The following MGAT4C variants were observed in gnomAD, a reference collection of about 807,000 sequenced individuals.
MGAT4C encodes alpha-1,3-mannosyl-glycoprotein 4-beta-N-acetylglucosaminyltransferase C.
A neutral mutation model predicts 40.1 loss-of-function variants in MGAT4C; 19 were observed. The ratio of observed to expected loss-of-function variants is 0.47; its 90% CI spans 0.33 to 0.70. The LOEUF is 0.70. MGAT4C is among the 30% of genes least tolerant of loss of function. The pLI is 0.02. For missense variants in MGAT4C, 491 were observed against 563.2 expected, an observed-to-expected ratio of 0.87 and a Z score of 1.30; for synonymous variants, 181 against 187.1, an observed-to-expected ratio of 0.97 and a Z score of 0.27.
chr12:86,747,236 T>G (rs1456697972), intron 1 of MGAT4C, among the ~76,000 whole-genome samples: 3 of 151,658 alleles, frequency 2.0e-5, no homozygotes, highest in Non-Finnish European at 4.4e-5. Context: ...CATTTTCAAT[T>G]CAAACTATAA....
chr12:86,335,541 G>C (rs937196562), intron 3 of MGAT4C, among the ~76,000 whole-genome samples: 1 of 151,998 alleles, frequency 6.6e-6, no homozygotes, highest in African/African-American at 2.4e-5. Flanking sequence ...GTTGGTTCCA[G>C]GAACCTCACA....
intron 2 of MGAT4C, among the ~76,000 whole-genome samples, chr12:86,009,323 A>G (rs1352415652): frequency 6.6e-6 from 1 of 152,178 alleles, no homozygotes; most frequent in Non-Finnish European, 1.5e-5. Context: ...GTAGCCTTGA[A>G]TAGTTTCTTC....
At chr12:86,748,399 C>T (rs1951184927) in intron 1 of MGAT4C, among the ~76,000 whole-genome samples, 3 of 151,758 alleles carry the variant, frequency 2.0e-5, no homozygotes, top group Middle Eastern at 6.8e-3. Flanking sequence ...ATTTTATTTC[C>T]AAGTCTACTC....
intron 2 of MGAT4C, among the ~76,000 whole-genome samples, chr12:86,575,080 A>G (rs1331656459): frequency 6.6e-6 from 1 of 151,672 alleles, no homozygotes; most frequent in Non-Finnish European, 1.5e-5. Context: ...CACACTATAA[A>G]CATAAACACA....
intron 1 of MGAT4C, 137 bp downstream of exon 1, chr12:86,256,102 A>C (rs2136087735): frequency 6.6e-6 from 1 of 152,182 alleles, no homozygotes; most frequent in African/African-American, 2.4e-5. Flanking sequence ...CTAACTCCAT[A>C]GTCCTTTAAA....
At chr12:86,073,666 A>G (rs1592855936) in intron 1 of MGAT4C, among the ~76,000 whole-genome samples, 1 of 151,994 alleles carries the variant, frequency 6.6e-6, no homozygotes, top group Non-Finnish European at 1.5e-5. Context: ...TTGGACTTGC[A>G]TGGGCCCTGT....
intron 3 of MGAT4C, among the ~76,000 whole-genome samples, chr12:86,339,196 C>G (rs76813239): frequency 0.081 from 12,239 of 152,010 alleles, 1,209 homozygotes; most frequent in East Asian, 0.24. Context: ...CAAATGAAGG[C>G]ACATGAATCC....
At chr12:86,337,886 T>A (rs1954823619) in intron 3 of MGAT4C, among the ~76,000 whole-genome samples, 1 of 152,160 alleles carries the variant, frequency 6.6e-6, no homozygotes, top group Non-Finnish European at 1.5e-5. Context: ...TTTGTAGGAA[T>A]CACTTCATAT....
intron 4 of MGAT4C, among the ~76,000 whole-genome samples, chr12:86,297,616 T>C (rs1953712708): frequency 6.6e-6 from 1 of 152,078 alleles, no homozygotes; most frequent in Non-Finnish European, 1.5e-5. Context: ...GAGATTTCCA[T>C]TGAAAAACTC....
At chr12:86,055,856 G>T (rs1893336556) in intron 1 of MGAT4C, among the ~76,000 whole-genome samples, 2 of 151,966 alleles carry the variant, frequency 1.3e-5, no homozygotes, top group South Asian at 4.2e-4. Context: ...CTCTCTTTCA[G>T]CCTCAGCTCT....
intron 1 of MGAT4C, among the ~76,000 whole-genome samples, chr12:86,776,939 T>A (rs887213535): frequency 2.0e-5 from 3 of 152,132 alleles, no homozygotes; most frequent in Admixed American, 2.0e-4. Flanking sequence ...AAAAGTATAT[T>A]TAAAAATCAT....
rs1958417144 is a variant in MGAT4C, at chr12:86,503,776, AGAG to A, written c.-228-68514_-228-68512del. 2.4e-4 allele frequency among the ~76,000 whole-genome samples: 5 copies of A among 20,640 alleles called. 1 individual carries two copies. The highest frequency in any genetic ancestry group is 8.1e-4 in the Admixed American group (1 of 1,232). The allele number at this position is 20,640 out of a possible 152,430, so 13.5% of individuals were successfully genotyped here. A position where few individuals can be genotyped will look rare whatever the true frequency, so the allele number is the denominator to read the frequency against. On this transcript the variant is annotated intron_variant, in intron 2 of 7. Transcript: ENST00000548651. ...GAGTTCTGCTCATATATATATATAT[AGAG>A]TTCTGCTCATATATATATATATATA...
At chr12:86,819,727 GACTA>G (rs1429867962) in intron 1 of MGAT4C, among the ~76,000 whole-genome samples, 3 of 150,570 alleles carry the variant, frequency 2.0e-5, no homozygotes, top group South Asian at 2.1e-4. Context: ...TAATTTGCAG[GACTA>G]ACTTAGAGTT....
chr12:86,130,026 T>C (rs74405472), intron 1 of MGAT4C, among the ~76,000 whole-genome samples: 5,721 of 152,266 alleles, frequency 0.038, 366 homozygotes, highest in African/African-American at 0.13. Flanking sequence ...AAGTTGGTTA[T>C]GTAGGATTTA....
chr12:86,118,245 G>A (rs1050834272), intron 1 of MGAT4C, among the ~76,000 whole-genome samples: 5 of 152,114 alleles, frequency 3.3e-5, no homozygotes, highest in Non-Finnish European at 5.9e-5. Context: ...CCTGAAGAAT[G>A]GGTACTCAAG....
At chr12:86,085,249 T>C (rs1383886551) in intron 1 of MGAT4C, among the ~76,000 whole-genome samples, 2 of 152,138 alleles carry the variant, frequency 1.3e-5, no homozygotes, top group Non-Finnish European at 2.9e-5. Context: ...TGCAATTGCT[T>C]TTGGTGTTTT....
At chr12:86,654,010 T>G (rs1411818048) in intron 2 of MGAT4C, among the ~76,000 whole-genome samples, 2 of 151,954 alleles carry the variant, frequency 1.3e-5, no homozygotes, top group African/African-American at 4.8e-5. Context: ...TTACACAAAG[T>G]AGAATACATT....
chr12:86,677,180 A>G (rs920487998), intron 2 of MGAT4C, among the ~76,000 whole-genome samples: 2 of 152,158 alleles, frequency 1.3e-5, no homozygotes, highest in Non-Finnish European at 2.9e-5. Flanking sequence ...TTGAGAAACC[A>G]CGTGGGAAAT....
chr12:86,405,567 A>T (rs542149657), intron 3 of MGAT4C, among the ~76,000 whole-genome samples: 4 of 152,144 alleles, frequency 2.6e-5, no homozygotes, highest in African/African-American at 4.8e-5. Flanking sequence ...AACTTGAAAT[A>T]CAGTTGTAAA....
Sources: gnomAD v4.1 joint callset for allele counts (sites outside exome capture counted in the v4.1 genomes callset) on GRCh38, gnomAD v4.1.1 for gene constraint, MANE v1.5 for transcripts, NCBI Gene and HGNC (gene_info 2026-07-23, HGNC 2026-07-21) for gene names.